The following ZSCAN5A variants were observed in gnomAD, a reference collection of about 807,000 sequenced individuals.
The protein encoded by ZSCAN5A is zinc finger and SCAN domain containing 5A, also known as zinc finger and SCAN domain-containing protein 5A.
Under a neutral mutation model 23.7 loss-of-function variants are expected in ZSCAN5A, and 12 were observed. The ratio of observed to expected loss-of-function variants is 0.51; its 90% CI spans 0.32 to 0.82. The LOEUF is 0.82. ZSCAN5A is among the 40% of genes least tolerant of loss of function. ZSCAN5A has a pLI of 0.03. For missense variants in ZSCAN5A, 597 were observed against 617.9 expected (o/e 0.97, Z 0.36); for synonymous variants, 257 against 239.9 (o/e 1.07, Z -0.66).
intron 2 of ZSCAN5A, chr19:56,321,631 C>T (rs2041376916): frequency 1.2e-6 from 1 of 865,864 alleles, no homozygotes. Flanking sequence ...CAAGGTTCAT[C>T]CATGCATCGT....
In ZSCAN5A at chr19:56,257,242, G is replaced by C. The variant is rs527506094; in HGVS notation, c.-127-32069C>G. 9.2e-5 allele frequency among the ~76,000 whole-genome samples: 14 copies of C among 152,290 alleles called. No homozygotes were observed. In the South Asian group the frequency reaches 2.7e-3, roughly 29 times the overall value. On this transcript the variant is annotated intron_variant, in intron 2 of 5. Coordinates refer to ENST00000683990, the MANE Select transcript of ZSCAN5A (RefSeq NM_001322064.3). ...AGTTTGGACAGAAGCAATGTGAATG[G>C]ACACGAAAGGAGAGATTCGAGTGAG...
intron 2 of ZSCAN5A, among the ~76,000 whole-genome samples, chr19:56,229,826 A>T (rs982456180): frequency 6.6e-6 from 1 of 151,946 alleles, no homozygotes. Flanking sequence ...ATTTATTACC[A>T]GGTTTTTAGG....
intron 2 of ZSCAN5A, among the ~76,000 whole-genome samples, chr19:56,339,018 G>A (rs1017377799): frequency 6.6e-6 from 1 of 152,250 alleles, no homozygotes; most frequent in Non-Finnish European, 1.5e-5. Context: ...GAGAAATACA[G>A]AACAGGCCTT....
At chr19:56,251,088 T>C (rs893446913) in intron 2 of ZSCAN5A, among the ~76,000 whole-genome samples, 1 of 150,538 alleles carries the variant, frequency 6.6e-6, no homozygotes, top group Non-Finnish European at 1.5e-5. Flanking sequence ...TGGCAGAGAT[T>C]GCAGTGAGCC....
intron 2 of ZSCAN5A, among the ~76,000 whole-genome samples, chr19:56,229,610 T>C (rs1278325226): frequency 6.6e-6 from 1 of 152,172 alleles, no homozygotes; most frequent in East Asian, 1.9e-4. Context: ...CCCTAAATCC[T>C]CCCCTCTGTA....
chr19:56,351,708 G>A lies in ZSCAN5A; in HGVS notation c.-358+11527C>T, dbSNP rs560980972. On this transcript the variant is annotated intron_variant, in intron 2 of 6. Coordinates refer to the ZSCAN5A transcript ENST00000587340. This position sits in a 1 kb window ranked among gnomAD's most constrained non-coding sequence, Gnocchi z 4.8. Reference sequence around the variant, plus strand: ...AAAGCCTGGTAATCGTCCAGTCATCGGAGCTGTATCAAAATGAACTTGGGC... The same window carrying A: ...AAAGCCTGGTAATCGTCCAGTCATCAGAGCTGTATCAAAATGAACTTGGGC... Among the ~76,000 whole-genome samples the A allele has an allele frequency of 2.0e-5, 3 of 152,200 alleles. No homozygotes were observed. Among genetic ancestry groups the A allele is most frequent in the East Asian group, 1.9e-4 (1 of 5,186 alleles).
chr19:56,252,990 A>AC (rs995212401), intron 2 of ZSCAN5A, among the ~76,000 whole-genome samples: 1 of 152,104 alleles, frequency 6.6e-6, no homozygotes, highest in Non-Finnish European at 1.5e-5. Context: ...TATCCCTCCC[A>AC]CCCCCTCTAG....
chr19:56,326,340 G>GTGGTA (rs2041434348), intron 2 of ZSCAN5A, among the ~76,000 whole-genome samples: 1 of 134,676 alleles, frequency 7.4e-6, no homozygotes, highest in Non-Finnish European at 1.6e-5. Flanking sequence ...TGTGTGTGGT[G>GTGGTA]AGAACATTTG....
At position 56,237,647 on chromosome 19, in the gene ZSCAN5A, C is replaced by T. The variant is rs140060565; in HGVS notation, c.-127-12474G>A. On this transcript the variant is annotated intron_variant, in intron 2 of 5. Coordinates refer to ENST00000683990, the MANE Select transcript of ZSCAN5A (RefSeq NM_001322064.3). ...AGAAGATCGATTATGGGCCGGGGCG[C>T]GGTGGCTCATGCCTGTAATTCCATT... Among the ~76,000 whole-genome samples the T allele has an allele frequency of 6.5e-4, 99 of 152,214 alleles. No individual in the cohort carries two copies. The East Asian group carries it at 0.016, about 25-fold the overall frequency.
At chr19:56,269,558 T>C (rs1434010713) in intron 2 of ZSCAN5A, among the ~76,000 whole-genome samples, 3 of 152,078 alleles carry the variant, frequency 2.0e-5, no homozygotes, top group Non-Finnish European at 4.4e-5. Flanking sequence ...GTAGGTCCAA[T>C]GTAATCACAA....
chr19:56,365,742 C>A (rs2041759932), intron 1 of ZSCAN5A: 1 of 152,240 alleles, frequency 6.6e-6, no homozygotes, highest in Non-Finnish European at 1.5e-5. Flanking sequence ...AAGCAGTAAT[C>A]TTTGTGCCTC....
chr19:56,338,418 C>T (rs887842531), intron 2 of ZSCAN5A: 1 of 152,162 alleles, frequency 6.6e-6, no homozygotes, highest in African/African-American at 2.4e-5. Flanking sequence ...TGGAGACAAT[C>T]TCCACAGCCA....
intron 2 of ZSCAN5A, among the ~76,000 whole-genome samples, chr19:56,355,818 G>A (rs1199759740): frequency 5.4e-5 from 8 of 148,598 alleles, no homozygotes; most frequent in Admixed American, 2.0e-4. Context: ...TAGGTATTAA[G>A]CACCTATTAT....
chr19:56,342,646 G>T (rs955301120), intron 2 of ZSCAN5A: 6 of 508,254 alleles, frequency 1.2e-5, no homozygotes, highest in African/African-American at 9.7e-5. Flanking sequence ...TGGAAAAAGG[G>T]ATCTTGACCT....
chr19:56,295,392 TAGACC>T (rs2039800688), intron 2 of ZSCAN5A, among the ~76,000 whole-genome samples: 1 of 151,912 alleles, frequency 6.6e-6, no homozygotes, highest in African/African-American at 2.4e-5. Flanking sequence ...TCAGGAGTTC[TAGACC>T]AGCCTGGCCA....
chr19:56,253,791 C>T (rs931272669), intron 2 of ZSCAN5A, among the ~76,000 whole-genome samples: 19 of 152,244 alleles, frequency 1.2e-4, no homozygotes, highest in Admixed American at 5.2e-4. Context: ...AGTGTCTCTT[C>T]GTCAATTCAG....
chr19:56,319,524 T>TAAAAA (rs2041353224), upstream of ZSCAN5A, among the ~76,000 whole-genome samples: 2 of 107,650 alleles, frequency 1.9e-5, no homozygotes, highest in African/African-American at 3.4e-5. Flanking sequence ...AAAAAAGAAT[T>TAAAAA]TACACAAAAT....
intron 2 of ZSCAN5A, among the ~76,000 whole-genome samples, chr19:56,258,621 G>A (rs1467503965): frequency 6.6e-6 from 1 of 151,698 alleles, no homozygotes; most frequent in Non-Finnish European, 1.5e-5. Context: ...TGACCGACAC[G>A]CCTTCCGGTG....
intron 2 of ZSCAN5A, among the ~76,000 whole-genome samples, chr19:56,237,790 G>A (rs1354090159): frequency 6.6e-6 from 1 of 151,878 alleles, no homozygotes; most frequent in Non-Finnish European, 1.5e-5. Flanking sequence ...CATGGGTGGC[G>A]CCTGTATTCC....
Sources: allele counts gnomAD v4.1 joint callset (sites outside exome capture counted in the v4.1 genomes callset), GRCh38; gene constraint gnomAD v4.1.1; non-coding constraint Gnocchi (gnomAD v3.1); transcripts MANE v1.5; gene names NCBI Gene and HGNC (gene_info 2026-07-23, HGNC 2026-07-21).